DNTT: variants seen among roughly 807,000 people sequenced by gnomAD.
The protein encoded by DNTT is nucleosidetriphosphate:DNA deoxynucleotidylexotransferase.
Under a neutral mutation model 60.9 loss-of-function variants are expected in DNTT, and 47 were observed. The observed-to-expected ratio is 0.77, with a 90% CI of 0.61 to 0.98. The LOEUF (loss-of-function observed/expected upper bound fraction) is 0.98, where lower values mean the gene tolerates loss of function less well. Among genes scored for constraint, DNTT ranks in the 50% least tolerant of loss-of-function variants. The pLI is 0.00. For synonymous variants in DNTT, 224 were observed against 221.2 expected (o/e 1.01, Z -0.11); for missense variants, 665 against 627.5 (o/e 1.06, Z -0.64).
At chr10:96,336,155 C>T (rs181174245) in intron 10 of DNTT, among the ~76,000 whole-genome samples, 181 bp downstream of exon 10, 9 of 152,282 alleles carry the variant, frequency 5.9e-5, no homozygotes, top group South Asian at 2.1e-4. Flanking sequence ...AGTTTCCACC[C>T]GGCCCAGAAT....
chr10:96,323,394 G>A (rs931531699), intron 5 of DNTT, among the ~76,000 whole-genome samples: 2 of 152,112 alleles, frequency 1.3e-5, no homozygotes. Flanking sequence ...CTGGGGATTA[G>A]GACTTCAACA....
At chr10:96,322,034 T>C (rs1844886551) in intron 4 of DNTT, among the ~76,000 whole-genome samples, 1 of 152,044 alleles carries the variant, frequency 6.6e-6, no homozygotes, top group African/African-American at 2.4e-5. Flanking sequence ...CTTAGAGCAG[T>C]GGTGCGTTTG....
chr10:96,329,844 T>G (rs1488891433), intron 8 of DNTT, among the ~76,000 whole-genome samples: 1 of 152,090 alleles, frequency 6.6e-6, no homozygotes, highest in Admixed American at 6.5e-5. Context: ...GAGACTAAAT[T>G]TGGACGGAGC....
chr10:96,337,965 A>C (rs1026256784), intron 10 of DNTT, among the ~76,000 whole-genome samples, 173 bp from the exon 11 acceptor site: 1 of 152,230 alleles, frequency 6.6e-6, no homozygotes, highest in Non-Finnish European at 1.5e-5. Context: ...TTCATTTAGT[A>C]CCATGTTTTG....
intron 1 of DNTT, among the ~76,000 whole-genome samples, chr10:96,307,766 T>C: frequency 8.7e-6 from 1 of 115,204 alleles, no homozygotes. Flanking sequence ...TGCATATATA[T>C]ATATATATAT....
chr10:96,324,421 T>C, intron 6 of DNTT, 32 bp downstream of exon 6: 1 of 1,612,246 alleles, frequency 6.2e-7, no homozygotes, highest in Admixed American at 1.7e-5. Flanking sequence ...TCATTGTTGC[T>C]ATGGGCTGGT....
chr10:96,329,739 G>A (rs975006282), intron 8 of DNTT, among the ~76,000 whole-genome samples: 5 of 152,186 alleles, frequency 3.3e-5, no homozygotes, highest in African/African-American at 9.6e-5. Context: ...AGTCTTCCCA[G>A]AAGGAGTTGG....
chr10:96,338,179 G>C lies in DNTT; in HGVS notation c.1485G>C (p.Ala495=). 6.2e-7 allele frequency: 1 copy of C among 1,613,242 alleles called. No homozygotes were observed. The highest frequency in any genetic ancestry group is 8.5e-7 in the Non-Finnish European group (1 of 1,179,812). The part of the protein sequence containing the change: ...LKAESEEEIF[A]HLGLDYIEPW... ...CAGAAAGTGAAGAAGAAATTTTTGC[G>C]CATCTGGGATTGGATTATATTGAAC... Residue 495 remains alanine (A), a synonymous_variant, in exon 11 of 11, where the codon GCG becomes GCC. Coordinates refer to ENST00000371174, the MANE Select transcript of DNTT (RefSeq NM_004088.4).
chr10:96,319,215 A>G (rs368842724), intron 2 of DNTT, 47 bp from the exon 3 acceptor site: 300 of 1,601,430 alleles, frequency 1.9e-4, no homozygotes, highest in Non-Finnish European at 2.4e-4. Context: ...CATATCTGTT[A>G]TTACTATTAA....
At position 96,304,668 on chromosome 10, in the gene DNTT, C is replaced by T. The variant is rs1379449503; in HGVS notation, c.171C>T (p.Arg57=). 6.2e-7 allele frequency: 1 copy of T among 1,614,064 alleles called. No homozygotes were observed. The highest frequency in any genetic ancestry group is 8.5e-7 in the Non-Finnish European group (1 of 1,180,000). ...TRRAFLMELA[R]RKGFRVENEL... is the part of the protein sequence containing the mutation. ...GAGCGTTCCTCATGGAGCTGGCCCG[C>T]AGGAAAGGGTTCAGGGTTGAAAATG... The change falls in exon 1 of 11, where the codon CGC becomes CGT. Residue 57 remains arginine (R), a synonymous_variant. Transcript: ENST00000371174.
At chr10:96,328,927 A>G in intron 8 of DNTT, 97 bp downstream of exon 8, 1 of 1,198,864 alleles carries the variant, frequency 8.3e-7, no homozygotes, top group Non-Finnish European at 1.2e-6. Flanking sequence ...ATGACCATCT[A>G]ATCAATTCTC....
At chr10:96,316,382 A>G (rs1223570049) in intron 1 of DNTT, among the ~76,000 whole-genome samples, 1 of 152,024 alleles carries the variant, frequency 6.6e-6, no homozygotes, top group Non-Finnish European at 1.5e-5. Context: ...TCCCTACCCC[A>G]TTACGCTCCC....
intron 5 of DNTT, among the ~76,000 whole-genome samples, chr10:96,323,173 C>T (rs895334173): frequency 6.6e-6 from 1 of 152,130 alleles, no homozygotes; most frequent in African/African-American, 2.4e-5. Context: ...GTGAGGCATG[C>T]CTGTAATTCC....
rs796330265 is a variant in DNTT, at chr10:96,304,618, GAGA to G, written c.126_128del (p.Lys43del). 2 of 1,614,182 alleles carry G rather than the reference GAGA, an allele frequency of 1.2e-6. No individual in the cohort carries two copies. Among genetic ancestry groups the G allele is most frequent in the African/African-American group, 2.7e-5 (2 of 75,052 alleles). Reference sequence around the variant, plus strand: ...TCAAGATTTGGTCGTCTTCATTTTGGAGAAGAAAATGGGAACCACCCGCAGAGC... The same window carrying G: ...TCAAGATTTGGTCGTCTTCATTTTGGAGAAAATGGGAACCACCCGCAGAGC... On this transcript the variant is annotated inframe_deletion, in exon 1 of 11. Coordinates refer to ENST00000371174, the MANE Select transcript of DNTT (RefSeq NM_004088.4).
At chr10:96,320,509 C>T (rs1383496984) in intron 3 of DNTT, 109 bp from the exon 4 acceptor site, 3 of 1,286,310 alleles carry the variant, frequency 2.3e-6, no homozygotes, top group Non-Finnish European at 3.2e-6. Context: ...TAGAAGGAAA[C>T]ACGCAAGTGG....
At chr10:96,307,343 G>GTTTTTTTTTTT (rs533516556) in intron 1 of DNTT, among the ~76,000 whole-genome samples, 1 of 67,606 alleles carries the variant, frequency 1.5e-5, no homozygotes, top group African/African-American at 6.4e-5. Flanking sequence ...GGGTTTTCCA[G>GTTTTTTTTTTT]TTTTTTTTTT....
At chr10:96,319,034 A>G (rs1036532439) in intron 2 of DNTT, among the ~76,000 whole-genome samples, 2 of 152,216 alleles carry the variant, frequency 1.3e-5, no homozygotes, top group Admixed American at 1.3e-4. Flanking sequence ...GTTCATAGAA[A>G]ACGAAGATGA....
At chr10:96,313,816 C>G (rs893816179) in intron 1 of DNTT, among the ~76,000 whole-genome samples, 1 of 152,210 alleles carries the variant, frequency 6.6e-6, no homozygotes, top group Admixed American at 6.5e-5. Flanking sequence ...AGGGCTGTGT[C>G]CAGAGGAATC....
intron 1 of DNTT, among the ~76,000 whole-genome samples, chr10:96,315,900 C>T (rs2133986150): frequency 6.6e-6 from 1 of 152,180 alleles, no homozygotes; most frequent in Admixed American, 6.5e-5. Context: ...TAATATGGAT[C>T]TACAATAGGG....
Sources: gnomAD v4.1 joint callset for allele counts (sites outside exome capture counted in the v4.1 genomes callset) on GRCh38, gnomAD v4.1.1 for gene constraint, MANE v1.5 for transcripts, NCBI Gene and HGNC (gene_info 2026-07-23, HGNC 2026-07-21) for gene names.